TEX101: variants seen among roughly 807,000 people sequenced by gnomAD.
TEX101 encodes testis expressed 101, also known as testis-expressed protein 101.
A neutral mutation model predicts 18.1 loss-of-function variants in TEX101; 10 were observed. That is an observed-to-expected ratio of 0.55 (90% CI 0.34 to 0.94). TEX101 has a LOEUF of 0.94. Ranked by LOEUF, TEX101 falls within the 40% of genes least tolerant of loss-of-function variation. The pLI is 0.02. For synonymous variants in TEX101, 94 were observed against 114.8 expected (o/e 0.82, Z 1.16); for missense variants, 259 against 298.9 (o/e 0.87, Z 0.98).
At chr19:43,409,335 C>CTGT (rs1376082788) in intron 3 of TEX101, among the ~76,000 whole-genome samples, 1 of 152,172 alleles carries the variant, frequency 6.6e-6, no homozygotes, top group Admixed American at 6.5e-5. Flanking sequence ...AGGTTACAGA[C>CTGT]TGTTTACACA....
upstream of TEX101, among the ~76,000 whole-genome samples, chr19:43,410,547 G>A (rs1360257001): frequency 6.6e-6 from 1 of 151,990 alleles, no homozygotes; most frequent in African/African-American, 2.4e-5. Context: ...GAGGTATGTG[G>A]TGGCTCACTG....
chr19:43,413,716 G>A (rs1309327637), upstream of TEX101, among the ~76,000 whole-genome samples: 1 of 152,054 alleles, frequency 6.6e-6, no homozygotes, highest in Admixed American at 6.5e-5. Context: ...ACTCTGGGAG[G>A]CCGAGGTGGG....
upstream of TEX101, among the ~76,000 whole-genome samples, chr19:43,412,582 G>A (rs937958252): frequency 8.5e-5 from 13 of 152,066 alleles, no homozygotes; most frequent in Non-Finnish European, 1.9e-4. Flanking sequence ...GGGATTCTGC[G>A]ACCAAGTCAC....
At chr19:43,417,366 G>C (rs947642041) in intron 4 of TEX101, among the ~76,000 whole-genome samples, 1 of 152,106 alleles carries the variant, frequency 6.6e-6, no homozygotes, top group African/African-American at 2.4e-5. Flanking sequence ...CTGAATATGA[G>C]TCGTGCAACT....
At chr19:43,392,888 T>C in the TEX101 span, among the ~76,000 whole-genome samples, 1 of 152,082 alleles carries the variant, frequency 6.6e-6, no homozygotes. Flanking sequence ...TGAAACCCTG[T>C]CTCTACTAAA....
upstream of TEX101, among the ~76,000 whole-genome samples, chr19:43,396,650 A>G (rs1366523478): frequency 6.6e-6 from 1 of 152,088 alleles, no homozygotes; most frequent in East Asian, 1.9e-4. Context: ...AAATGGAGGA[A>G]GGGAGTTTTG....
chr19:43,390,751 C>T, the TEX101 span, among the ~76,000 whole-genome samples: 1 of 151,622 alleles, frequency 6.6e-6, no homozygotes, highest in Non-Finnish European at 1.5e-5. Flanking sequence ...AGACGTAAGC[C>T]ACCTCGCCCG....
At chr19:43,396,813 G>C (rs8112248), upstream of TEX101, among the ~76,000 whole-genome samples, 48,013 of 147,302 alleles carry the variant, frequency 0.33, 8,338 homozygotes, top group East Asian at 0.72. Flanking sequence ...AGGAATTGAA[G>C]AGTGTTTTCA....
chr19:43,410,472 TGGAATTTTCCCCCA>T (rs918914392), upstream of TEX101, among the ~76,000 whole-genome samples: 3 of 152,056 alleles, frequency 2.0e-5, no homozygotes, highest in African/African-American at 7.2e-5. Flanking sequence ...TGTGGGAGGT[TGGAATTTTCCCCCA>T]GGAATACAGG....
At chr19:43,401,784 C>T (rs180683171) in intron 1 of TEX101, among the ~76,000 whole-genome samples, 1 of 151,742 alleles carries the variant, frequency 6.6e-6, no homozygotes, top group Non-Finnish European at 1.5e-5. Flanking sequence ...ACCCGGGAGG[C>T]GGTAAGCTGG....
At chr19:43,390,882 T>A in the TEX101 span, among the ~76,000 whole-genome samples, 35 of 151,878 alleles carry the variant, frequency 2.3e-4, no homozygotes, top group Admixed American at 1.4e-3. Flanking sequence ...CTGGAATTCT[T>A]TACCAATTAA....
In TEX101 at chr19:43,416,221, A is replaced by C; in HGVS notation, c.187A>C (p.Thr63Pro). The change falls in exon 3 of 6, where the codon ACC becomes CCC. Residue 63 changes from threonine (T) to proline (P), a missense_variant. Coordinates refer to ENST00000598265, the MANE Select transcript of TEX101 (RefSeq NM_001130011.3). ...TGACAAAGGGGCACTTTGCCAGGAA[A>C]CCATACTAATAATTAAAGCAGGTGA... is the stretch of plus-strand genomic sequence containing the variant. ...TCDKGALCQE[T>P]ILIIKAGTET... is the part of the protein sequence containing the mutation. 2 of 1,609,896 alleles carry C rather than the reference A, an allele frequency of 1.2e-6. No homozygotes were observed. The highest frequency in any genetic ancestry group is 2.2e-5 in the South Asian group (2 of 90,484).
chr19:43,408,672 T>G (rs956970997), intron 3 of TEX101, among the ~76,000 whole-genome samples: 2 of 151,882 alleles, frequency 1.3e-5, no homozygotes, highest in African/African-American at 4.8e-5. Context: ...GTCTTTGTTC[T>G]TTTTGGAGAG....
rs1970361744 is a variant in TEX101, at chr19:43,406,247, A to G, written c.-258A>G. 3 of 488,574 alleles carry G rather than the reference A, an allele frequency of 6.1e-6. No individual in the cohort carries two copies. In the East Asian group the frequency reaches 1.1e-4, roughly 18 times the overall value. The allele number at this position is 488,574 out of a possible 1,614,324, so 30.3% of individuals were successfully genotyped here. The stretch of plus-strand genomic sequence containing the variant: ...GGGCACTGAATGTCAAAGTGAAGGA[A>G]TTCAATGAAGCCCGGATCAAGGGCA... On this transcript the variant is annotated 5_prime_UTR_variant, in exon 3 of 8. Coordinates refer to the TEX101 transcript ENST00000602198.
intron 1 of TEX101, among the ~76,000 whole-genome samples, chr19:43,401,932 G>A (rs2122317528): frequency 6.6e-6 from 1 of 152,214 alleles, no homozygotes; most frequent in South Asian, 2.1e-4. Flanking sequence ...GTGCAACACA[G>A]TGCAGTATAT....
At chr19:43,407,747 T>C (rs1033958323) in intron 3 of TEX101, among the ~76,000 whole-genome samples, 7 of 152,200 alleles carry the variant, frequency 4.6e-5, no homozygotes, top group African/African-American at 1.7e-4. Flanking sequence ...GGCAGCGCCA[T>C]GAAGCCTCGG....
intron 2 of TEX101, chr19:43,406,081 CAAAA>C (rs34029449): frequency 2.5e-4 from 15 of 58,852 alleles, no homozygotes; most frequent in East Asian, 1.2e-3. Flanking sequence ...CCTGTCTCTA[CAAAA>C]AAAAAAAAAA....
At chr19:43,404,803 GT>G (rs1180935963) in intron 2 of TEX101, among the ~76,000 whole-genome samples, 1 of 151,190 alleles carries the variant, frequency 6.6e-6, no homozygotes, top group Non-Finnish European at 1.5e-5. Flanking sequence ...ACTTTACTCT[GT>G]TTTTTATGTC....
At chr19:43,414,148 AGGGAG>A (rs1401577944), upstream of TEX101, among the ~76,000 whole-genome samples, 2 of 100,526 alleles carry the variant, frequency 2.0e-5, no homozygotes, top group East Asian at 3.1e-4. Context: ...GGGGAGGGGA[AGGGAG>A]GGGAGGGGAG....
Sources: allele counts gnomAD v4.1 joint callset (sites outside exome capture counted in the v4.1 genomes callset), GRCh38; gene constraint gnomAD v4.1.1; transcripts MANE v1.5; gene names NCBI Gene and HGNC (gene_info 2026-07-23, HGNC 2026-07-21).